ATG10: variants seen among roughly 807,000 people sequenced by gnomAD.
ATG10 encodes the protein autophagy related 10.
In ATG10, 30 loss-of-function variants were observed where a neutral mutation model predicts 32.1. That is an observed-to-expected ratio of 0.94 (90% CI 0.70 to 1.27). ATG10 has a LOEUF of 1.27. ATG10 is among the 50% of genes most tolerant of loss of function. The pLI is 0.00. For missense variants in ATG10, 233 were observed against 262.3 expected (o/e 0.89, Z 0.77); for synonymous variants, 87 against 91.5 (o/e 0.95, Z 0.28).
At chr5:82,017,674 GTAA>G (rs1398184196) in intron 2 of ATG10, among the ~76,000 whole-genome samples, 3 of 152,068 alleles carry the variant, frequency 2.0e-5, no homozygotes, top group African/African-American at 7.2e-5. Flanking sequence ...AATTTAAGTA[GTAA>G]AATTTCTTTT....
At chr5:82,136,942 G>C (rs1561318447) in intron 3 of ATG10, among the ~76,000 whole-genome samples, 1 of 151,856 alleles carries the variant, frequency 6.6e-6, no homozygotes, top group Non-Finnish European at 1.5e-5. Flanking sequence ...TTGTCTTCAT[G>C]CTTCATTTCA....
At chr5:82,071,000 A>G (rs1217383566) in intron 3 of ATG10, among the ~76,000 whole-genome samples, 3 of 152,114 alleles carry the variant, frequency 2.0e-5, no homozygotes, top group Non-Finnish European at 4.4e-5. Context: ...TCTTGAAATT[A>G]TCTCATTTTT....
chr5:82,057,672 C>G (rs554606636), intron 2 of ATG10, among the ~76,000 whole-genome samples: 27 of 152,190 alleles, frequency 1.8e-4, no homozygotes, highest in Admixed American at 1.4e-3. Flanking sequence ...TATTCTTACA[C>G]ATGACTTTAT....
chr5:82,040,816 A>C (rs1290438155), intron 2 of ATG10, among the ~76,000 whole-genome samples: 1 of 152,188 alleles, frequency 6.6e-6, no homozygotes, highest in Non-Finnish European at 1.5e-5. Context: ...TAGAAATATA[A>C]ACCCCTTGTC....
At chr5:81,975,736 A>AT (rs1056814050) in intron 1 of ATG10, among the ~76,000 whole-genome samples, 1 of 150,856 alleles carries the variant, frequency 6.6e-6, no homozygotes, top group Non-Finnish European at 1.5e-5. Flanking sequence ...TCAGTGTAAT[A>AT]TTTTTTTCTT....
At chr5:82,233,643 C>T (rs1746447651) in intron 5 of ATG10, among the ~76,000 whole-genome samples, 1 of 152,134 alleles carries the variant, frequency 6.6e-6, no homozygotes, top group African/African-American at 2.4e-5. Flanking sequence ...GTTTGAATTC[C>T]AGGTACAGAT....
intron 5 of ATG10, among the ~76,000 whole-genome samples, chr5:82,236,080 T>A (rs964219066): frequency 2.6e-5 from 4 of 152,230 alleles, no homozygotes; most frequent in Admixed American, 2.0e-4. Context: ...TTTAAGACTC[T>A]TTATAAAACG....
chr5:82,085,988 A>G (rs1170209975), intron 3 of ATG10, among the ~76,000 whole-genome samples: 1 of 152,202 alleles, frequency 6.6e-6, no homozygotes, highest in East Asian at 1.9e-4. Flanking sequence ...AATTAAAACA[A>G]GAACTTAAGA....
At chr5:82,081,395 G>A (rs1437125113) in intron 3 of ATG10, among the ~76,000 whole-genome samples, 4 of 152,294 alleles carry the variant, frequency 2.6e-5, no homozygotes, top group African/African-American at 9.6e-5. Flanking sequence ...CCAACACTGT[G>A]TTGAATAGGA....
intron 3 of ATG10, among the ~76,000 whole-genome samples, chr5:82,144,471 C>T (rs1446755530): frequency 1.3e-5 from 2 of 151,764 alleles, no homozygotes; most frequent in African/African-American, 2.4e-5. Context: ...CCTCTAAGCA[C>T]TGATTTAGCT....
intron 5 of ATG10, among the ~76,000 whole-genome samples, chr5:82,198,194 A>G (rs1744936021): frequency 6.6e-6 from 1 of 152,224 alleles, no homozygotes; most frequent in African/African-American, 2.4e-5. Context: ...GACTACATAA[A>G]GAGGGAGTGG....
chr5:82,165,243 A>G (rs780811660), intron 4 of ATG10, among the ~76,000 whole-genome samples: 4 of 152,214 alleles, frequency 2.6e-5, no homozygotes, highest in Non-Finnish European at 4.4e-5. Context: ...CCAGGGACCA[A>G]GATGAGCCTC....
chr5:82,100,004 T>TG (rs747355773), intron 3 of ATG10, among the ~76,000 whole-genome samples: 2,310 of 121,792 alleles, frequency 0.019, 71 homozygotes, highest in African/African-American at 0.028. Context: ...TTCTGTGTTT[T>TG]TTTTTTTTTT....
At chr5:82,178,659 T>A (rs1034669576) in intron 5 of ATG10, 72 bp downstream of exon 5, 12 of 987,094 alleles carry the variant, frequency 1.2e-5, no homozygotes, top group East Asian at 4.9e-5. Flanking sequence ...TTTCTGCTAG[T>A]TCCCTCTCCA....
intron 5 of ATG10, among the ~76,000 whole-genome samples, chr5:82,224,944 T>A (rs1746061313): frequency 6.6e-6 from 1 of 152,196 alleles, no homozygotes; most frequent in Non-Finnish European, 1.5e-5. Context: ...AATAAGGACA[T>A]CTATGTATTA....
At chr5:82,194,024 G>A (rs1251337979) in intron 5 of ATG10, among the ~76,000 whole-genome samples, 1 of 152,184 alleles carries the variant, frequency 6.6e-6, no homozygotes, top group African/African-American at 2.4e-5. Flanking sequence ...TCTCACAATA[G>A]GTCTTTCTTC....
At chr5:82,035,768 AT>A (rs1205531350) in intron 2 of ATG10, among the ~76,000 whole-genome samples, 9 of 148,126 alleles carry the variant, frequency 6.1e-5, no homozygotes, top group African/African-American at 1.5e-4. Context: ...TAATATAAAA[AT>A]ATATAATCCT....
Position 81,975,778 on chromosome 5 carries a change from TTTG to T in ATG10, c.-13+3475_-13+3477del, listed in dbSNP as rs1186343833. ...TTACTATCTAGTTTTCTTTTTCTTT[TTTG>T]TTTTTTATTGTACTTTTGTAGCTTA... On this transcript the variant is annotated intron_variant, in intron 1 of 7. Coordinates refer to ENST00000282185, the MANE Select transcript of ATG10 (RefSeq NM_031482.5). Among the ~76,000 whole-genome samples, 17 of 152,210 alleles carry T rather than the reference TTTG, an allele frequency of 1.1e-4. No individual in the cohort carries two copies. The East Asian group carries it at 1.5e-3, about 14-fold the overall frequency.
At chr5:82,136,502 T>C (rs962333697) in intron 3 of ATG10, among the ~76,000 whole-genome samples, 2 of 152,338 alleles carry the variant, frequency 1.3e-5, no homozygotes, top group Admixed American at 1.3e-4. Context: ...TTTGGCTGGA[T>C]ATGAAATTCT....
Sources: gnomAD v4.1 joint callset for allele counts (sites outside exome capture counted in the v4.1 genomes callset) on GRCh38, gnomAD v4.1.1 for gene constraint, MANE v1.5 for transcripts, NCBI Gene and HGNC (gene_info 2026-07-23, HGNC 2026-07-21) for gene names.